The following WDFY3 variants were observed in gnomAD, a reference collection of about 807,000 sequenced individuals.
WDFY3 encodes WD repeat and FYVE domain-containing protein 3.
A neutral mutation model predicts 409.6 loss-of-function variants in WDFY3; 66 were observed. That is an observed-to-expected ratio of 0.16 (90% CI 0.13 to 0.20). The LOEUF is 0.20. Ranked by LOEUF, WDFY3 falls within the 10% of genes least tolerant of loss-of-function variation. WDFY3 has a pLI of 1.00. For missense variants in WDFY3, 3,031 were observed against 4,298.1 expected, an observed-to-expected ratio of 0.71 and a Z score of 8.24; for synonymous variants, 1,521 against 1,537.1, an observed-to-expected ratio of 0.99 and a Z score of 0.25.
At chr4:84,921,915 A>G (rs571664602) in intron 2 of WDFY3, among the ~76,000 whole-genome samples, 3 of 152,060 alleles carry the variant, frequency 2.0e-5, no homozygotes, top group African/African-American at 2.4e-5. Context: ...TTGGCCTCCC[A>G]AAGTGCTGGG....
chr4:84,821,569 A>G lies in WDFY3; in HGVS notation c.1124-18T>C. On this transcript the variant is annotated intron_variant, in intron 10 of 67. Coordinates refer to ENST00000295888, the MANE Select transcript of WDFY3 (RefSeq NM_014991.6). ...ACTGTGACCTAGAACAGAAAAGAAA[A>G]ACATAAAAGTAGGTACTATGTGATA... 1 of 1,585,190 alleles carries G rather than the reference A, an allele frequency of 6.3e-7. No homozygotes were observed. The highest frequency in any genetic ancestry group is 1.1e-5 in the South Asian group (1 of 87,376).
chr4:84,803,392 T>C lies in WDFY3; in HGVS notation c.2505A>G (p.Thr835=). ...CATCAGAACTCTGCAGAGATGAAGTTGTCACATGTAGTTTCAGGTCGGCAA... is the reference window on the plus strand; with the variant it reads ...CATCAGAACTCTGCAGAGATGAAGTCGTCACATGTAGTTTCAGGTCGGCAA... ...KNVADLKLHV[T]TSSLQSSDAV... is the part of the protein sequence containing the mutation. Residue 835 remains threonine, a synonymous_variant, in exon 16 of 68, where the codon ACA becomes ACG. Transcript: ENST00000295888. The C allele has an allele frequency of 6.2e-7, 1 of 1,614,080 alleles. No homozygotes were observed. The highest frequency in any genetic ancestry group is 1.7e-5 in the Admixed American group (1 of 60,000).
intron 2 of WDFY3, among the ~76,000 whole-genome samples, chr4:84,904,399 A>T (rs1337896406): frequency 6.6e-6 from 1 of 152,172 alleles, no homozygotes; most frequent in Non-Finnish European, 1.5e-5. Context: ...AAGAAGAAGA[A>T]GAAAACTGAG....
chr4:84,736,862 A>C (rs965226618), intron 41 of WDFY3, among the ~76,000 whole-genome samples: 2 of 152,154 alleles, frequency 1.3e-5, no homozygotes, highest in Admixed American at 6.5e-5. Flanking sequence ...GAAAAAACAG[A>C]GCTTTTTGAA....
chr4:84,835,228 C>T (rs1387296114), intron 7 of WDFY3, among the ~76,000 whole-genome samples: 1 of 152,110 alleles, frequency 6.6e-6, no homozygotes, highest in Non-Finnish European at 1.5e-5. Context: ...GTATAAAATG[C>T]AGATTCCATT....
chr4:84,748,769 T>C (rs1339176343), intron 36 of WDFY3, among the ~76,000 whole-genome samples: 1 of 152,198 alleles, frequency 6.6e-6, no homozygotes, highest in Admixed American at 6.5e-5. Flanking sequence ...ACTTTTATGA[T>C]GAAATTCTAA....
chr4:84,799,061 C>A (rs1179764956), intron 17 of WDFY3, among the ~76,000 whole-genome samples: 2 of 152,106 alleles, frequency 1.3e-5, no homozygotes. Flanking sequence ...CTACCCTGGA[C>A]CACCATATTT....
chr4:84,819,521 TA>T (rs1271230427), intron 12 of WDFY3, among the ~76,000 whole-genome samples: 1 of 152,110 alleles, frequency 6.6e-6, no homozygotes, highest in Non-Finnish European at 1.5e-5. Context: ...AAATCTCAAG[TA>T]ATCTTTTTTA....
chr4:84,790,231 T>G (rs1275800695), intron 21 of WDFY3, among the ~76,000 whole-genome samples: 2 of 151,962 alleles, frequency 1.3e-5, no homozygotes, highest in African/African-American at 4.8e-5. Context: ...GCGTCTGTAG[T>G]TCCAGCTACT....
intron 3 of WDFY3, among the ~76,000 whole-genome samples, chr4:84,889,383 T>C (rs1421648858): frequency 6.6e-6 from 1 of 152,106 alleles, no homozygotes; most frequent in Non-Finnish European, 1.5e-5. Flanking sequence ...TATGCAAAAA[T>C]AGAAGACAAA....
intron 2 of WDFY3, among the ~76,000 whole-genome samples, chr4:84,914,179 T>C (rs1361856511): frequency 1.3e-5 from 2 of 152,106 alleles, no homozygotes; most frequent in East Asian, 3.9e-4. Flanking sequence ...CCCAGCACTT[T>C]GGGAGGCCGA....
chr4:84,906,167 A>G (rs1156442680), intron 2 of WDFY3, among the ~76,000 whole-genome samples: 1 of 152,214 alleles, frequency 6.6e-6, no homozygotes, highest in Non-Finnish European at 1.5e-5. Context: ...TAGGAATATT[A>G]GACTAAAAGG....
chr4:84,742,735 G>A (rs769293203), intron 37 of WDFY3, among the ~76,000 whole-genome samples: 4 of 152,176 alleles, frequency 2.6e-5, no homozygotes, highest in Non-Finnish European at 5.9e-5. Flanking sequence ...AGAATCAAAT[G>A]ATAAATGTAA....
At chr4:84,713,486 A>C (rs1047942985) in intron 50 of WDFY3, among the ~76,000 whole-genome samples, 2 of 152,198 alleles carry the variant, frequency 1.3e-5, no homozygotes, top group African/African-American at 4.8e-5. Flanking sequence ...AATCTCAATC[A>C]CTTTACTTAG....
intron 32 of WDFY3, 37 bp from the exon 33 acceptor site, chr4:84,757,198 A>G: frequency 6.3e-7 from 1 of 1,575,312 alleles, no homozygotes; most frequent in Admixed American, 1.7e-5. Context: ...GTGCAAAATC[A>G]GCAACTGATA....
Position 84,957,661 on chromosome 4 carries a change from G to A in WDFY3, c.-226+8548C>T, listed in dbSNP as rs147602036. Among the ~76,000 whole-genome samples the A allele has an allele frequency of 2.9e-4, 44 of 152,258 alleles. 1 individual carries two copies. Among genetic ancestry groups the A allele is most frequent in the Admixed American group, 5.9e-4 (9 of 15,276 alleles). ...GGATCCCTGAAAGGTCCGTGGTAAGGCCTGATACTTTTAGACTCAAAAATC... is the reference window on the plus strand; with the variant it reads ...GGATCCCTGAAAGGTCCGTGGTAAGACCTGATACTTTTAGACTCAAAAATC... On this transcript the variant is annotated intron_variant, in intron 1 of 67. Coordinates refer to ENST00000295888, the MANE Select transcript of WDFY3 (RefSeq NM_014991.6).
chr4:84,695,951 A>T lies in WDFY3; in HGVS notation c.8901+19T>A, dbSNP rs775876613. On this transcript the variant is annotated intron_variant, in intron 58 of 67. Coordinates refer to ENST00000295888, the MANE Select transcript of WDFY3 (RefSeq NM_014991.6). ...AAATGAAACAGAGTACATCAATGAC[A>T]AGAAAAAAACATCCATACCTGTTTA... The T allele has an allele frequency of 4.4e-6, 7 of 1,608,090 alleles. No individual in the cohort carries two copies. Among genetic ancestry groups the T allele is most frequent in the Non-Finnish European group, 6.0e-6 (7 of 1,175,790 alleles).
chr4:84,742,647 G>A (rs772560765), intron 37 of WDFY3, among the ~76,000 whole-genome samples: 5 of 152,140 alleles, frequency 3.3e-5, no homozygotes, highest in Admixed American at 1.3e-4. Context: ...TATCAGCAGC[G>A]GCATTAGATT....
chr4:84,831,914 T>C (rs1420763246), intron 7 of WDFY3, among the ~76,000 whole-genome samples: 1 of 152,160 alleles, frequency 6.6e-6, no homozygotes, highest in Non-Finnish European at 1.5e-5. Flanking sequence ...ACAGCCATTA[T>C]GAAAAACAGT....
Sources: allele counts gnomAD v4.1 joint callset (sites outside exome capture counted in the v4.1 genomes callset), GRCh38; gene constraint gnomAD v4.1.1; transcripts MANE v1.5; gene names NCBI Gene and HGNC (gene_info 2026-07-23, HGNC 2026-07-21).